DLGAP2: variants seen among roughly 807,000 people sequenced by gnomAD.
The protein encoded by DLGAP2 is DLG associated protein 2.
Under a neutral mutation model 100.3 loss-of-function variants are expected in DLGAP2, and 26 were observed. That is an observed-to-expected ratio of 0.26 (90% CI 0.19 to 0.36). The LOEUF (loss-of-function observed/expected upper bound fraction) is 0.36, where lower values mean the gene tolerates loss of function less well. Among genes scored for constraint, DLGAP2 ranks in the 10% least tolerant of loss-of-function variants. DLGAP2 has a pLI of 1.00. For missense variants in DLGAP2, 1,858 were observed against 1,453.2 expected (o/e 1.28, Z -4.53); for synonymous variants, 886 against 630.1 (o/e 1.41, Z -6.08).
At chr8:815,146 C>G (rs944795190) in intron 1 of DLGAP2, among the ~76,000 whole-genome samples, 1 of 152,182 alleles carries the variant, frequency 6.6e-6, no homozygotes, top group African/African-American at 2.4e-5. Context: ...AGACTGGTTT[C>G]TTTATAAACA....
chr8:1,124,090 T>C (rs143701727), intron 2 of DLGAP2, among the ~76,000 whole-genome samples: 2 of 152,352 alleles, frequency 1.3e-5, no homozygotes, highest in African/African-American at 4.8e-5. Context: ...TGAATGTTTC[T>C]CATGCATATC....
intron 1 of DLGAP2, among the ~76,000 whole-genome samples, chr8:811,664 G>T (rs1323221481): frequency 6.7e-6 from 1 of 149,290 alleles, no homozygotes; most frequent in Non-Finnish European, 1.5e-5. Context: ...GGGGGGCCCT[G>T]CCAGGGCTCC....
chr8:760,853 TCTC>T (rs1254581201), intron 1 of DLGAP2, among the ~76,000 whole-genome samples: 11 of 152,266 alleles, frequency 7.2e-5, no homozygotes, highest in African/African-American at 2.4e-4. Context: ...GGTTTGCTCT[TCTC>T]CTCAGGGTGC....
chr8:1,182,483 C>A (rs1797411273), intron 2 of DLGAP2, among the ~76,000 whole-genome samples: 1 of 152,152 alleles, frequency 6.6e-6, no homozygotes, highest in South Asian at 2.1e-4. Flanking sequence ...GTAGCCCTAA[C>A]AGAATTGTGT....
At chr8:1,471,715 C>A (rs1798800353) in intron 3 of DLGAP2, among the ~76,000 whole-genome samples, 1 of 152,116 alleles carries the variant, frequency 6.6e-6, no homozygotes. Flanking sequence ...GGGTTCATAT[C>A]CATCAGCAGC....
rs57585503 is a variant in DLGAP2, at chr8:1,385,575, A to G, written c.107-115791A>G. 3.9e-4 allele frequency among the ~76,000 whole-genome samples: 13 copies of G among 33,642 alleles called. 1 individual carries two copies. Among genetic ancestry groups the G allele is most frequent in the East Asian group, 3.4e-3 (1 of 296 alleles). 22.1% of individuals were successfully genotyped at this position (33,642 alleles called of 152,430 possible). A position where few individuals can be genotyped will look rare whatever the true frequency, so the allele number is the denominator to read the frequency against. ...CCGTCCCCTGAGAACTTGGTGCACA[A>G]TTACCCGGCCTGTGCCCGTCCCCTG... On this transcript the variant is annotated intron_variant, in intron 3 of 14. Transcript: ENST00000637795.
intron 2 of DLGAP2, among the ~76,000 whole-genome samples, chr8:1,249,252 G>T (rs988418971): frequency 2.6e-5 from 4 of 152,124 alleles, no homozygotes; most frequent in Non-Finnish European, 2.9e-5. Context: ...AAGCAGAATG[G>T]CAGACTCAGA....
intron 13 of DLGAP2, 77 bp from the exon 14 acceptor site, chr8:1,697,070 G>T: frequency 1.5e-6 from 2 of 1,365,108 alleles, no homozygotes; most frequent in Non-Finnish European, 9.6e-7. Flanking sequence ...AAAGGCATGC[G>T]TGGGGAGGAG....
In DLGAP2 at chr8:1,319,379, C is replaced by G. The variant is rs192608721; in HGVS notation, c.106+60496C>G. 3.3e-5 allele frequency among the ~76,000 whole-genome samples: 5 copies of G among 152,292 alleles called. No homozygotes were observed. The East Asian group carries it at 9.7e-4, about 29-fold the overall frequency. The stretch of plus-strand genomic sequence containing the variant: ...CATGCAGGTGTTGGGAGAGAGGCCA[C>G]GTGTGGAAACCTCCTGGCAGGATTC... On this transcript the variant is annotated intron_variant, in intron 3 of 14. Transcript: ENST00000637795.
chr8:1,675,964 G>C (rs1253025647), intron 10 of DLGAP2, among the ~76,000 whole-genome samples: 3 of 152,134 alleles, frequency 2.0e-5, no homozygotes, highest in African/African-American at 7.2e-5. Context: ...ATTCTCTGTG[G>C]AATACATGAT....
intron 3 of DLGAP2, among the ~76,000 whole-genome samples, chr8:1,306,955 G>A (rs1800505806): frequency 6.6e-6 from 1 of 151,958 alleles, no homozygotes; most frequent in Admixed American, 6.6e-5. Context: ...AGAAAACAGA[G>A]AGGATAAGCT....
At chr8:767,378 T>A (rs1314033300) in intron 1 of DLGAP2, among the ~76,000 whole-genome samples, 2 of 131,150 alleles carry the variant, frequency 1.5e-5, no homozygotes, top group Non-Finnish European at 3.2e-5. Flanking sequence ...TGAGACAGAG[T>A]TTCGGTCTGT....
At chr8:1,520,743 C>T (rs530725104) in intron 4 of DLGAP2, among the ~76,000 whole-genome samples, 2 of 152,288 alleles carry the variant, frequency 1.3e-5, no homozygotes, top group East Asian at 3.9e-4. Flanking sequence ...ATTCCACTGC[C>T]TGATGTAACG....
intron 2 of DLGAP2, among the ~76,000 whole-genome samples, chr8:1,253,633 C>G (rs1799102966): frequency 7.7e-6 from 1 of 129,956 alleles, no homozygotes. Context: ...GGGGAATGAG[C>G]CGGTTCTCAG....
intron 4 of DLGAP2, among the ~76,000 whole-genome samples, chr8:1,525,858 G>A (rs375744542): frequency 5.9e-5 from 9 of 152,148 alleles, no homozygotes; most frequent in East Asian, 1.9e-4. Flanking sequence ...GACGTTGGGC[G>A]GTGATGGGAC....
At chr8:1,261,561 G>C (rs1799350796) in intron 3 of DLGAP2, among the ~76,000 whole-genome samples, 1 of 151,558 alleles carries the variant, frequency 6.6e-6, no homozygotes, top group African/African-American at 2.4e-5. Context: ...GGGTGGGGGT[G>C]GGAGGGGGGG....
At chr8:1,174,610 A>G (rs964581487) in intron 2 of DLGAP2, among the ~76,000 whole-genome samples, 1 of 151,908 alleles carries the variant, frequency 6.6e-6, no homozygotes, top group African/African-American at 2.4e-5. Context: ...TCATTACATC[A>G]CCAAAATCAT....
intron 1 of DLGAP2, among the ~76,000 whole-genome samples, chr8:743,008 A>G (rs895290884): frequency 2.0e-5 from 3 of 152,170 alleles, no homozygotes; most frequent in Non-Finnish European, 4.4e-5. Context: ...GCCTACTTTG[A>G]GTCAGTCCAC....
intron 3 of DLGAP2, among the ~76,000 whole-genome samples, chr8:1,275,301 A>T (rs1799659953): frequency 6.6e-6 from 1 of 151,908 alleles, no homozygotes; most frequent in African/African-American, 2.4e-5. Flanking sequence ...AGCTTACTAG[A>T]TGCCCACAGA....
Sources: allele counts gnomAD v4.1 joint callset (sites outside exome capture counted in the v4.1 genomes callset), GRCh38; gene constraint gnomAD v4.1.1; transcripts MANE v1.5; gene names NCBI Gene and HGNC (gene_info 2026-07-23, HGNC 2026-07-21).